Variants in LDLRAD3 observed in about 807,000 individuals in gnomAD.
The protein encoded by LDLRAD3 is low-density lipoprotein receptor class A domain-containing protein 3.
LDLRAD3 carries 20 observed loss-of-function variants against 29.4 expected under a neutral mutation model. The observed-to-expected ratio is 0.68, with a 90% CI of 0.48 to 0.99. The LOEUF (loss-of-function observed/expected upper bound fraction) is 0.99. LDLRAD3 is among the 50% of genes least tolerant of loss of function. The probability of loss-of-function intolerance (pLI) is 0.00; values close to 1 mark genes in which losing one functional copy is unlikely to be tolerated. For missense variants in LDLRAD3, 420 were observed against 454.3 expected, an observed-to-expected ratio of 0.92 and a Z score of 0.69; for synonymous variants, 157 against 192.7, an observed-to-expected ratio of 0.81 and a Z score of 1.53.
chr11:36,064,287 G>A (rs189261054), intron 2 of LDLRAD3, among the ~76,000 whole-genome samples: 2 of 151,886 alleles, frequency 1.3e-5, no homozygotes, highest in East Asian at 1.9e-4. Context: ...AAACTTGTTC[G>A]TTAGTTCTAA....
intron 2 of LDLRAD3, among the ~76,000 whole-genome samples, chr11:36,067,680 C>CT (rs1162845791): frequency 1.3e-5 from 2 of 151,908 alleles, no homozygotes; most frequent in East Asian, 1.9e-4. Context: ...CTGTAATTAA[C>CT]TTTTTTTTGA....
At chr11:35,990,703 A>G (rs1851678602) in intron 1 of LDLRAD3, among the ~76,000 whole-genome samples, 1 of 151,754 alleles carries the variant, frequency 6.6e-6, no homozygotes, top group Admixed American at 6.6e-5. Flanking sequence ...GGTGTAAGCC[A>G]CCGTGCCTGG....
chr11:36,187,976 C>G (rs1344335698), intron 4 of LDLRAD3, among the ~76,000 whole-genome samples: 2 of 152,108 alleles, frequency 1.3e-5, no homozygotes, highest in African/African-American at 2.4e-5. Flanking sequence ...CCTGTTTGAT[C>G]CTACTAAGAA....
At chr11:36,116,152 C>G (rs1853670794) in intron 4 of LDLRAD3, among the ~76,000 whole-genome samples, 1 of 152,204 alleles carries the variant, frequency 6.6e-6, no homozygotes, top group Non-Finnish European at 1.5e-5. Context: ...GTTCCATTCC[C>G]CATGGACCAC....
chr11:35,955,911 C>T (rs1851194641), intron 1 of LDLRAD3, among the ~76,000 whole-genome samples: 1 of 152,188 alleles, frequency 6.6e-6, no homozygotes, highest in Non-Finnish European at 1.5e-5. Context: ...TTGGGGAGCC[C>T]CCAGGGGCCT....
intron 2 of LDLRAD3, among the ~76,000 whole-genome samples, chr11:36,064,433 C>T (rs1412754881): frequency 6.6e-6 from 1 of 151,894 alleles, no homozygotes; most frequent in African/African-American, 2.4e-5. Context: ...CCTCAGCCTC[C>T]CAAATAGCTG....
chr11:35,961,388 G>A (rs186970300), intron 1 of LDLRAD3, among the ~76,000 whole-genome samples: 161 of 152,314 alleles, frequency 1.1e-3, no homozygotes, highest in African/African-American at 3.8e-3. Flanking sequence ...TCCTGGCTGC[G>A]TGACCTTACT....
chr11:36,173,641 A>C (rs1039960147), intron 4 of LDLRAD3, among the ~76,000 whole-genome samples: 2 of 152,156 alleles, frequency 1.3e-5, no homozygotes, highest in Admixed American at 6.5e-5. Flanking sequence ...ATGCCACAAT[A>C]AACATACATT....
chr11:36,007,574 G>A (rs1319937154), intron 1 of LDLRAD3, among the ~76,000 whole-genome samples: 2 of 152,182 alleles, frequency 1.3e-5, no homozygotes, highest in African/African-American at 4.8e-5. Flanking sequence ...GGAAGGACCG[G>A]CGGCTTGGGA....
intron 1 of LDLRAD3, among the ~76,000 whole-genome samples, chr11:35,982,849 T>C (rs1484014154): frequency 3.4e-5 from 1 of 29,830 alleles, no homozygotes; most frequent in Non-Finnish European, 5.3e-5. Flanking sequence ...TGTTTGCTGC[T>C]TTTTTTTTTT....
intron 1 of LDLRAD3, among the ~76,000 whole-genome samples, chr11:35,976,513 T>C (rs114104216): frequency 6.6e-6 from 1 of 152,128 alleles, no homozygotes; most frequent in African/African-American, 2.4e-5. Context: ...GGATGAGGGA[T>C]GCTTTCTGGA....
intron 1 of LDLRAD3, among the ~76,000 whole-genome samples, chr11:36,013,549 C>A (rs1851982175): frequency 7.0e-6 from 1 of 142,040 alleles, no homozygotes; most frequent in African/African-American, 2.6e-5. Context: ...TGAGTGAGAA[C>A]ATGTGGTGTT....
intron 2 of LDLRAD3, among the ~76,000 whole-genome samples, chr11:36,075,055 G>A (rs1852973939): frequency 6.6e-6 from 1 of 152,130 alleles, no homozygotes; most frequent in African/African-American, 2.4e-5. Flanking sequence ...AACTGGCTGT[G>A]CAGACAGTGT....
chr11:36,078,593 A>G (rs1000409793), intron 2 of LDLRAD3, among the ~76,000 whole-genome samples: 2 of 152,132 alleles, frequency 1.3e-5, no homozygotes, highest in Admixed American at 1.3e-4. Context: ...AGCCTGTGGG[A>G]GTAAGGGGGG....
intron 2 of LDLRAD3, among the ~76,000 whole-genome samples, chr11:36,076,698 T>A (rs1316675985): frequency 6.6e-6 from 1 of 152,202 alleles, no homozygotes; most frequent in African/African-American, 2.4e-5. Flanking sequence ...GCCTTCCCAC[T>A]TTCTTTATTT....
chr11:36,174,059 A>G (rs1854636621), intron 4 of LDLRAD3, among the ~76,000 whole-genome samples: 1 of 152,210 alleles, frequency 6.6e-6, no homozygotes, highest in Non-Finnish European at 1.5e-5. Context: ...AAATAATACT[A>G]CACATCTGCA....
chr11:36,181,969 A>G (rs10501146), intron 4 of LDLRAD3, among the ~76,000 whole-genome samples: 41,583 of 151,884 alleles, frequency 0.27, 5,706 homozygotes, highest in East Asian at 0.35. Flanking sequence ...TTATCTCACA[A>G]TTGACCCAAA....
intron 1 of LDLRAD3, among the ~76,000 whole-genome samples, chr11:35,948,652 C>T (rs994660446): frequency 1.3e-5 from 2 of 152,062 alleles, no homozygotes; most frequent in South Asian, 2.1e-4. Context: ...TAATATAGTA[C>T]GTGGACTTTT....
At chr11:36,176,856 G>A (rs959568873) in intron 4 of LDLRAD3, among the ~76,000 whole-genome samples, 9 of 152,072 alleles carry the variant, frequency 5.9e-5, no homozygotes, top group Non-Finnish European at 8.8e-5. Context: ...TCAATGTCTA[G>A]GTCTCTAGCA....
Sources: gnomAD v4.1 joint callset for allele counts (sites outside exome capture counted in the v4.1 genomes callset) on GRCh38, gnomAD v4.1.1 for gene constraint, MANE v1.5 for transcripts, NCBI Gene and HGNC (gene_info 2026-07-23, HGNC 2026-07-21) for gene names.